Variants in CRYBG1 observed in about 807,000 individuals in gnomAD.
CRYBG1 encodes the protein beta/gamma crystallin domain-containing protein 1.
CRYBG1 carries 139 observed loss-of-function variants against 189.2 expected under a neutral mutation model. The observed-to-expected ratio is 0.73, with a 90% CI of 0.64 to 0.85. The LOEUF (loss-of-function observed/expected upper bound fraction) is 0.85, where lower values mean the gene tolerates loss of function less well. Ranked by LOEUF, CRYBG1 falls within the 40% of genes least tolerant of loss-of-function variation. The probability of loss-of-function intolerance (pLI) is 0.00; values close to 1 mark genes in which losing one functional copy is unlikely to be tolerated. For synonymous variants in CRYBG1, 1,023 were observed against 1,017.1 expected, an observed-to-expected ratio of 1.01 and a Z score of -0.11; for missense variants, 2,611 against 2,675.8, an observed-to-expected ratio of 0.98 and a Z score of 0.53.
At position 106,569,378 on chromosome 6, in the gene CRYBG1, G is replaced by A. The variant is rs1025430825; in HGVS notation, c.*812G>A. 14 of 151,814 alleles carry A rather than the reference G, an allele frequency of 9.2e-5. No individual in the cohort carries two copies. Among genetic ancestry groups the A allele is most frequent in the Non-Finnish European group, 8.8e-5 (6 of 67,976 alleles). 9.4% of individuals were successfully genotyped at this position (151,814 alleles called of 1,614,324 possible). On this transcript the variant is annotated 3_prime_UTR_variant, in exon 22 of 22. Transcript: ENST00000633556. The stretch of plus-strand genomic sequence containing the variant: ...TGGGACTATAGGCACACATCACCAA[G>A]CCCAGCCAAATTTTGTTTTTTTTTT...
In CRYBG1 at chr6:106,416,222, G is replaced by A. The variant is rs1771018242; in HGVS notation, c.174-35472G>A. Among the ~76,000 whole-genome samples the A allele has an allele frequency of 2.0e-5, 3 of 152,308 alleles. No individual in the cohort carries two copies. The South Asian group carries it at 6.2e-4, about 32-fold the overall frequency. On this transcript the variant is annotated intron_variant, in intron 1 of 21. Coordinates refer to ENST00000633556, the MANE Select transcript of CRYBG1 (RefSeq NM_001371242.2). ...ACTCTCTCAATACCACTCCCACTGTGGACCCACGGAGTTCCAGGGCCCAGA... is the reference window on the plus strand; with the variant it reads ...ACTCTCTCAATACCACTCCCACTGTAGACCCACGGAGTTCCAGGGCCCAGA...
chr6:106,497,506 C>T (rs767808997), intron 2 of CRYBG1, among the ~76,000 whole-genome samples: 1 of 152,204 alleles, frequency 6.6e-6, no homozygotes, highest in Non-Finnish European at 1.5e-5. Flanking sequence ...CTGCTTCCAG[C>T]TCTTTCTGTG....
chr6:106,532,376 G>A (rs776400420), intron 8 of CRYBG1, among the ~76,000 whole-genome samples: 7 of 152,130 alleles, frequency 4.6e-5, no homozygotes, highest in East Asian at 1.9e-4. Context: ...ATGCAAGTGC[G>A]GGTATCCTTT....
intron 1 of CRYBG1, among the ~76,000 whole-genome samples, chr6:106,377,026 T>C (rs2114310866): frequency 6.6e-6 from 1 of 152,322 alleles, no homozygotes; most frequent in East Asian, 1.9e-4. Flanking sequence ...AAACATTGTA[T>C]TGAACACCTG....
At chr6:106,565,133 C>T (rs1249216406) in intron 21 of CRYBG1, among the ~76,000 whole-genome samples, 1 of 151,982 alleles carries the variant, frequency 6.6e-6, no homozygotes, top group African/African-American at 2.4e-5. Context: ...TCCTGGCTAA[C>T]ATGGTGAAAC....
Position 106,527,385 on chromosome 6 carries a change from G to A in CRYBG1, c.4493G>A (p.Trp1498Ter), listed in dbSNP as rs772498261. 5 of 1,613,744 alleles carry A rather than the reference G, an allele frequency of 3.1e-6. No homozygotes were observed. The African/African-American group carries it at 4.0e-5, about 13-fold the overall frequency. ...EEGELELSGL[W>*]GIEDILERHE... Reference sequence around the variant, plus strand: ...GGAGAATTGGAACTCTCTGGTCTCTGGGGTATAGAAGACATTTTGGAAAGG... The same window carrying A: ...GGAGAATTGGAACTCTCTGGTCTCTAGGGTATAGAAGACATTTTGGAAAGG... Residue 1498 changes from tryptophan to a stop codon, truncating the protein, a stop_gained, in exon 7 of 22, where the codon TGG (tryptophan) becomes TAG (stop). Coordinates refer to ENST00000633556, the MANE Select transcript of CRYBG1 (RefSeq NM_001371242.2). LOFTEE classifies it high-confidence loss of function.
At chr6:106,454,151 T>C (rs1771838940) in intron 2 of CRYBG1, among the ~76,000 whole-genome samples, 1 of 152,042 alleles carries the variant, frequency 6.6e-6, no homozygotes, top group Non-Finnish European at 1.5e-5. Flanking sequence ...CATCATCCCT[T>C]CTCCCCTCTC....
At chr6:106,408,451 G>C (rs1019331836) in intron 1 of CRYBG1, among the ~76,000 whole-genome samples, 8 of 152,130 alleles carry the variant, frequency 5.3e-5, no homozygotes, top group Admixed American at 1.3e-4. Context: ...GTACAAAGAG[G>C]AGCTGGTACC....
At chr6:106,533,011 G>A (rs1438583730) in intron 8 of CRYBG1, among the ~76,000 whole-genome samples, 1 of 152,184 alleles carries the variant, frequency 6.6e-6, no homozygotes, top group Non-Finnish European at 1.5e-5. Context: ...ATAAAATGAT[G>A]TCCCCATTCT....
chr6:106,513,940 GA>G (rs1396137782), intron 3 of CRYBG1, among the ~76,000 whole-genome samples: 2 of 152,022 alleles, frequency 1.3e-5, no homozygotes, highest in Non-Finnish European at 2.9e-5. Flanking sequence ...CACTGTGGGG[GA>G]AAAAAACCCT....
chr6:106,510,515 C>T (rs1172337507), intron 2 of CRYBG1, among the ~76,000 whole-genome samples: 1 of 152,266 alleles, frequency 6.6e-6, no homozygotes, highest in Non-Finnish European at 1.5e-5. Context: ...GGATCATTCG[C>T]AGGCGGCCCG....
intron 1 of CRYBG1, among the ~76,000 whole-genome samples, chr6:106,426,165 G>C (rs140218052): frequency 6.6e-6 from 1 of 152,008 alleles, no homozygotes; most frequent in African/African-American, 2.4e-5. Context: ...ATTTGTACCC[G>C]TGTCCTCAAC....
In CRYBG1 at chr6:106,571,965, A is replaced by G; in HGVS notation, c.*3399A>G. On this transcript the variant is annotated 3_prime_UTR_variant, in exon 22 of 22. Transcript: ENST00000633556. ...GGCTCACAGGCACTCACCAAATAAG[A>G]ACGTCAACAATCACTAAACTGCATT... is the stretch of plus-strand genomic sequence containing the variant. 6.4e-7 allele frequency: 1 copy of G among 1,550,618 alleles called. No individual in the cohort carries two copies. Among genetic ancestry groups the G allele is most frequent in the Non-Finnish European group, 8.9e-7 (1 of 1,124,192 alleles).
At chr6:106,464,992 T>C (rs1772083090) in intron 2 of CRYBG1, among the ~76,000 whole-genome samples, 1 of 152,246 alleles carries the variant, frequency 6.6e-6, no homozygotes, top group Admixed American at 6.5e-5. Context: ...ATCCAGTAAG[T>C]ATCTGTGAAT....
At chr6:106,518,982 C>CAA in intron 3 of CRYBG1, 149 bp from the exon 4 acceptor site, 1 of 764,464 alleles carries the variant, frequency 1.3e-6, no homozygotes, top group Non-Finnish European at 2.0e-6. Context: ...TGCGCACACA[C>CAA]ACACACACAT....
chr6:106,546,103 A>G (rs1676025), intron 13 of CRYBG1, among the ~76,000 whole-genome samples: 131,512 of 152,184 alleles, frequency 0.86, 57,580 homozygotes, highest in South Asian at 0.96. Flanking sequence ...AGAGACGGCC[A>G]TGTCTGGGCT....
intron 1 of CRYBG1, among the ~76,000 whole-genome samples, chr6:106,424,360 C>G (rs181186158): frequency 1.3e-5 from 2 of 152,086 alleles, no homozygotes; most frequent in Non-Finnish European, 2.9e-5. Context: ...TACACAAGAC[C>G]ATTTTACTTA....
rs1157446010 is a variant in CRYBG1 at position 106,561,366 on chromosome 6, A to G, written c.6004A>G (p.Asn2002Asp). 5.0e-6 allele frequency: 8 copies of G among 1,613,850 alleles called. No individual in the cohort carries two copies. Among genetic ancestry groups the G allele is most frequent in the Non-Finnish European group, 6.8e-6 (8 of 1,179,958 alleles). Residue 2002 changes from asparagine to aspartate, a missense_variant, in exon 20 of 22, where the codon AAC (asparagine) becomes GAC (aspartate). Asn to Asp is a conservative substitution (Grantham distance 23, BLOSUM62 1). This residue lies in a region of CRYBG1 where 1,622 missense variants were observed against 1,735.0 expected (regional missense o/e 0.93). Coordinates refer to ENST00000633556, the MANE Select transcript of CRYBG1 (RefSeq NM_001371242.2). ...VQKRIYFRLR[N>D]KATGLFMSTN... ...GAAGCGAATTTATTTCAGACTTCGA[A>G]ACAAAGCAACAGGGTTATTCATGTC...
At chr6:106,548,943 T>C in intron 13 of CRYBG1, among the ~76,000 whole-genome samples, 1 of 136,602 alleles carries the variant, frequency 7.3e-6, no homozygotes, top group Non-Finnish European at 1.5e-5. Flanking sequence ...CCTTCCTGTG[T>C]CCATGTGTTC....
Sources: gnomAD v4.1 joint callset for allele counts (sites outside exome capture counted in the v4.1 genomes callset) on GRCh38, gnomAD v4.1.1 for gene constraint, gnomAD v4.1.1 regional missense constraint, MANE v1.5 for transcripts, NCBI Gene and HGNC (gene_info 2026-07-23, HGNC 2026-07-21) for gene names.